Variants in PPARGC1A observed in about 807,000 individuals in gnomAD.
PPARGC1A encodes peroxisome proliferator-activated receptor gamma coactivator 1-alpha.
A neutral mutation model predicts 88.7 loss-of-function variants in PPARGC1A; 25 were observed. That is an observed-to-expected ratio of 0.28 (90% CI 0.21 to 0.39). The LOEUF (loss-of-function observed/expected upper bound fraction) is 0.39. Ranked by LOEUF, PPARGC1A falls within the 10% of genes least tolerant of loss-of-function variation. The probability of loss-of-function intolerance (pLI) is 1.00; values close to 1 mark genes in which losing one functional copy is unlikely to be tolerated. For missense variants in PPARGC1A, 880 were observed against 968.7 expected (o/e 0.91, Z 1.22); for synonymous variants, 363 against 355.6 (o/e 1.02, Z -0.24).
At chr4:23,939,851 CATA>C in the PPARGC1A span, among the ~76,000 whole-genome samples, 22 of 152,220 alleles carry the variant, frequency 1.4e-4, no homozygotes, top group South Asian at 4.4e-3. Context: ...AAGAAAAGAA[CATA>C]ATAAGAACCT....
the PPARGC1A span, among the ~76,000 whole-genome samples, chr4:24,157,144 C>T: frequency 6.6e-6 from 1 of 152,136 alleles, no homozygotes; most frequent in Non-Finnish European, 1.5e-5. Context: ...TTGGCCAAGT[C>T]ATTTCACTTT....
chr4:24,145,078 A>AGTGTGT, the PPARGC1A span, among the ~76,000 whole-genome samples: 11,748 of 144,228 alleles, frequency 0.081, 646 homozygotes, highest in East Asian at 0.18. Flanking sequence ...GTGTTGAATG[A>AGTGTGT]GTGTGTGTGT....
the PPARGC1A span, among the ~76,000 whole-genome samples, chr4:24,285,269 C>T: frequency 6.6e-6 from 1 of 152,192 alleles, no homozygotes; most frequent in African/African-American, 2.4e-5. Context: ...TCAAGTCCTC[C>T]TCTTTCAAAC....
intron 10 of PPARGC1A, among the ~76,000 whole-genome samples, chr4:23,809,941 A>T (rs1352111213): frequency 6.6e-6 from 1 of 151,992 alleles, no homozygotes; most frequent in Non-Finnish European, 1.5e-5. Flanking sequence ...CCACAGATGC[A>T]CCCCTTATAA....
At chr4:24,432,844 C>T in the PPARGC1A span, among the ~76,000 whole-genome samples, 29 of 152,356 alleles carry the variant, frequency 1.9e-4, no homozygotes, top group African/African-American at 3.6e-4. Context: ...GGCCGCCTTG[C>T]GGTTCCCCTG....
At chr4:24,178,113 A>G in the PPARGC1A span, among the ~76,000 whole-genome samples, 1 of 152,252 alleles carries the variant, frequency 6.6e-6, no homozygotes, top group African/African-American at 2.4e-5. Flanking sequence ...AGCCTATTGT[A>G]TAAATGAGAT....
chr4:24,305,812 C>CA, the PPARGC1A span, among the ~76,000 whole-genome samples: 1 of 151,812 alleles, frequency 6.6e-6, no homozygotes, highest in Non-Finnish European at 1.5e-5. Context: ...AACTACATCT[C>CA]AAAAAAAATT....
At chr4:24,211,038 C>T in the PPARGC1A span, among the ~76,000 whole-genome samples, 1 of 152,140 alleles carries the variant, frequency 6.6e-6, no homozygotes, top group Non-Finnish European at 1.5e-5. Flanking sequence ...CTTTGAATTG[C>T]AGTTGCTTAC....
chr4:24,372,485 G>C, the PPARGC1A span, among the ~76,000 whole-genome samples: 2 of 152,146 alleles, frequency 1.3e-5, no homozygotes, highest in Non-Finnish European at 2.9e-5. Context: ...GACAGTCTTT[G>C]AGTCCTTAAT....
the PPARGC1A span, among the ~76,000 whole-genome samples, chr4:24,089,514 C>CTTTTCTTTCT: frequency 0.013 from 509 of 38,644 alleles, 4 homozygotes; most frequent in Non-Finnish European, 0.033. Context: ...TCTTTTCTTT[C>CTTTTCTTTCT]TTTTTTTTTT....
the PPARGC1A span, among the ~76,000 whole-genome samples, chr4:24,090,668 ACAGAAAAAAAGCTCTGGCAT>A: frequency 6.6e-6 from 1 of 152,174 alleles, no homozygotes; most frequent in African/African-American, 2.4e-5. Context: ...TAAAAAAGAA[ACAGAAAAAAAGCTCTGGCAT>A]CAGTCTTCAA....
chr4:23,822,754 AAGGT>A (rs984446141), intron 7 of PPARGC1A, among the ~76,000 whole-genome samples: 1 of 152,090 alleles, frequency 6.6e-6, no homozygotes, highest in African/African-American at 2.4e-5. Context: ...ATTCTCCAGG[AAGGT>A]TCCAAACTTT....
the PPARGC1A span, among the ~76,000 whole-genome samples, chr4:24,064,728 A>G: frequency 6.6e-6 from 1 of 152,130 alleles, no homozygotes; most frequent in Non-Finnish European, 1.5e-5. Context: ...TTTTTCATCT[A>G]CCTGAAGACA....
rs990277873 is a variant in PPARGC1A at position 23,860,912 on chromosome 4, C to T, written c.234+23840G>A. On this transcript the variant is annotated intron_variant, in intron 2 of 12. Transcript: ENST00000264867. ...CCTTCTGACCATTCTTATAAAACCC[C>T]CTTGGGATGACTAGGCTCCCAGGAA... Among the ~76,000 whole-genome samples, 3 of 152,268 alleles carry T rather than the reference C, an allele frequency of 2.0e-5. No homozygotes were observed. The South Asian group carries it at 6.2e-4, about 32-fold the overall frequency.
At chr4:24,002,262 G>T in the PPARGC1A span, among the ~76,000 whole-genome samples, 14 of 152,034 alleles carry the variant, frequency 9.2e-5, no homozygotes, top group Non-Finnish European at 2.1e-4. Flanking sequence ...AGAGTAGCTG[G>T]GATGACAAGC....
chr4:24,050,137 C>T, the PPARGC1A span, among the ~76,000 whole-genome samples: 1 of 149,754 alleles, frequency 6.7e-6, no homozygotes, highest in Non-Finnish European at 1.5e-5. Flanking sequence ...ATTTTGCTGA[C>T]TTATACGGCT....
At chr4:24,355,675 G>C in the PPARGC1A span, among the ~76,000 whole-genome samples, 1 of 152,100 alleles carries the variant, frequency 6.6e-6, no homozygotes, top group Non-Finnish European at 1.5e-5. Context: ...TGTTAATGTA[G>C]CTGAGATTAT....
chr4:24,398,203 T>C, the PPARGC1A span, among the ~76,000 whole-genome samples: 2 of 152,176 alleles, frequency 1.3e-5, no homozygotes, highest in African/African-American at 2.4e-5. Context: ...AAAGATAGCA[T>C]ATAAAATCAT....
At chr4:24,238,765 G>A in the PPARGC1A span, among the ~76,000 whole-genome samples, 1 of 150,428 alleles carries the variant, frequency 6.6e-6, no homozygotes, top group African/African-American at 2.4e-5. Flanking sequence ...GTGTGTGTGT[G>A]TGTGTGTGTG....
Sources: allele counts gnomAD v4.1 joint callset (sites outside exome capture counted in the v4.1 genomes callset), GRCh38; gene constraint gnomAD v4.1.1; transcripts MANE v1.5; gene names NCBI Gene and HGNC (gene_info 2026-07-23, HGNC 2026-07-21).